The following ZDHHC8 variants were observed in gnomAD, a reference collection of about 807,000 sequenced individuals.
The protein encoded by ZDHHC8 is zDHHC palmitoyltransferase 8.
A neutral mutation model predicts 61.2 loss-of-function variants in ZDHHC8; 24 were observed. That is an observed-to-expected ratio of 0.39 (90% CI 0.28 to 0.55). The LOEUF (loss-of-function observed/expected upper bound fraction) is 0.55, where lower values mean the gene tolerates loss of function less well. Ranked by LOEUF, ZDHHC8 falls within the 20% of genes least tolerant of loss-of-function variation. The pLI, the probability that ZDHHC8 is intolerant of heterozygous loss-of-function variation, is 0.60. For synonymous variants in ZDHHC8, 523 were observed against 492.5 expected, an observed-to-expected ratio of 1.06 and a Z score of -0.82; for missense variants, 935 against 1,102.1, an observed-to-expected ratio of 0.85 and a Z score of 2.15.
At chr22:20,140,354 C>A in intron 5 of ZDHHC8, 137 bp downstream of exon 5, 1 of 945,236 alleles carries the variant, frequency 1.1e-6, no homozygotes, top group Non-Finnish European at 1.6e-6. Flanking sequence ...AACTCTGAGA[C>A]CCCCACGTGG....
Position 20,139,412 on chromosome 22 carries a change from T to G in ZDHHC8, c.227-66T>G, listed in dbSNP as rs2050447529. The G allele has an allele frequency of 1.9e-6, 3 of 1,604,672 alleles. No homozygotes were observed. In the Admixed American group the frequency reaches 5.0e-5, roughly 27 times the overall value. On this transcript the variant is annotated intron_variant, in intron 2 of 10. Transcript: ENST00000334554. ...GGGATTCCTGGTGGGTGGGCTGGAC[T>G]TGGGGGAGGGATTCACCTGCCAGGA...
intron 1 of ZDHHC8, among the ~76,000 whole-genome samples, chr22:20,137,788 T>C (rs111805579): frequency 1.3e-5 from 2 of 152,100 alleles, no homozygotes; most frequent in Admixed American, 6.5e-5. Flanking sequence ...AGGCACATGT[T>C]TGAGTGCTGC....
chr22:20,138,625 T>C (rs998765533), intron 1 of ZDHHC8, among the ~76,000 whole-genome samples: 1 of 152,144 alleles, frequency 6.6e-6, no homozygotes, highest in Non-Finnish European at 1.5e-5. Context: ...CCCTAAGTGT[T>C]CTACTTTGTC....
At chr22:20,144,974 GGGA>G (rs2050508126) in intron 10 of ZDHHC8, among the ~76,000 whole-genome samples, 1 of 152,126 alleles carries the variant, frequency 6.6e-6, no homozygotes. Flanking sequence ...CCAGGGACTC[GGGA>G]GGGTGGTGGC....
At chr22:20,135,821 G>A (rs2050414810) in intron 1 of ZDHHC8, among the ~76,000 whole-genome samples, 1 of 152,270 alleles carries the variant, frequency 6.6e-6, no homozygotes, top group Admixed American at 6.5e-5. Flanking sequence ...CCTGACAAGG[G>A]CGCAGCAGCT....
At chr22:20,136,311 C>T (rs2050419718) in intron 1 of ZDHHC8, among the ~76,000 whole-genome samples, 1 of 152,262 alleles carries the variant, frequency 6.6e-6, no homozygotes, top group Non-Finnish European at 1.5e-5. Context: ...CTACTGCCTG[C>T]TAGGCCCTGC....
At position 20,131,888 on chromosome 22, in the gene ZDHHC8, G is replaced by GCCCCC; in HGVS notation, c.-60_-59insCCCCC. ...CAGCCCGCCCGCCCGACCCCGGCCCGACCCCGGCCGGCCCTGCCCGCCCGG... is the reference window on the plus strand; with the variant it reads ...CAGCCCGCCCGCCCGACCCCGGCCCGCCCCCACCCCGGCCGGCCCTGCCCGCCCGG... On this transcript the variant is annotated 5_prime_UTR_variant, in exon 1 of 11. Coordinates refer to ENST00000334554, the MANE Select transcript of ZDHHC8 (RefSeq NM_013373.4). 1.2e-5 allele frequency: 3 copies of GCCCCC among 245,062 alleles called. No individual in the cohort carries two copies. The highest frequency in any genetic ancestry group is 1.9e-5 in the Non-Finnish European group (3 of 156,158). 15.2% of individuals were successfully genotyped at this position (245,062 alleles called of 1,614,324 possible). A position where few individuals can be genotyped will look rare whatever the true frequency, so the allele number is the denominator to read the frequency against.
At chr22:20,140,268 G>A (rs1568993152) in intron 5 of ZDHHC8, 51 bp downstream of exon 5, 1 of 1,558,732 alleles carries the variant, frequency 6.4e-7, no homozygotes, top group Admixed American at 1.8e-5. Flanking sequence ...GAGAGTTGGG[G>A]CTGCATGGGG....
chr22:20,145,493 C>T lies in ZDHHC8; in HGVS notation c.*93C>T, dbSNP rs116900900. On this transcript the variant is annotated 3_prime_UTR_variant, in exon 11 of 11. Transcript: ENST00000334554. ...CACCAACTTCTCTGCCCCAGGGACC[C>T]GAGGCCACCCCAGCCTGGTGTGGAC... is the stretch of plus-strand genomic sequence containing the variant. 5.6e-5 allele frequency: 75 copies of T among 1,344,058 alleles called. No individual in the cohort carries two copies. In the East Asian group the frequency reaches 1.1e-3, roughly 20 times the overall value. 83.3% of individuals were successfully genotyped at this position (1,344,058 alleles called of 1,614,324 possible). A position where few individuals can be genotyped will look rare whatever the true frequency, so the allele number is the denominator to read the frequency against.
At chr22:20,135,486 C>T (rs1461836362) in intron 1 of ZDHHC8, among the ~76,000 whole-genome samples, 1 of 152,246 alleles carries the variant, frequency 6.6e-6, no homozygotes, top group Non-Finnish European at 1.5e-5. Flanking sequence ...GCTGGCTTAT[C>T]TCTGTCTGGG....
rs534164585 is a variant in ZDHHC8 at position 20,145,695 on chromosome 22, C to T, written c.*295C>T. 4.8e-5 allele frequency: 50 copies of T among 1,051,546 alleles called. No homozygotes were observed. The East Asian group carries it at 3.6e-3, about 75-fold the overall frequency. 65.1% of individuals were successfully genotyped at this position (1,051,546 alleles called of 1,614,324 possible). On this transcript the variant is annotated 3_prime_UTR_variant, in exon 11 of 11. Transcript: ENST00000334554. ...GGGGGCCCAGTCAGCCTCTTTGGGG[C>T]ACCCTCTCTCAGCCAGGCTTGGCCC...
chr22:20,145,603 C>G lies in ZDHHC8; in HGVS notation c.*203C>G. On this transcript the variant is annotated 3_prime_UTR_variant, in exon 11 of 11. Coordinates refer to ENST00000334554, the MANE Select transcript of ZDHHC8 (RefSeq NM_013373.4). ...TCCACTCATCTGCCCATGGGGAAGT[C>G]GGCTCACTGGGACAAGGGCCACTGG... 8.1e-7 allele frequency: 1 copy of G among 1,232,758 alleles called. No individual in the cohort carries two copies. The highest frequency in any genetic ancestry group is 1.0e-6 in the Non-Finnish European group (1 of 984,682). The allele number at this position is 1,232,758 out of a possible 1,614,324, so 76.4% of individuals were successfully genotyped here. A position where few individuals can be genotyped will look rare whatever the true frequency, so the allele number is the denominator to read the frequency against.
At chr22:20,134,665 C>T (rs1050650675) in intron 1 of ZDHHC8, among the ~76,000 whole-genome samples, 2 of 152,250 alleles carry the variant, frequency 1.3e-5, no homozygotes, top group Admixed American at 6.5e-5. Context: ...GAGTTGCTGC[C>T]GGTGGGGTGG....
chr22:20,140,486 G>C, intron 5 of ZDHHC8, 131 bp from the exon 6 acceptor site: 1 of 1,020,852 alleles, frequency 9.8e-7, no homozygotes, highest in Non-Finnish European at 1.4e-6. Flanking sequence ...GGGCAGCCCT[G>C]GGCTGATCCC....
In ZDHHC8 at chr22:20,143,239, T is replaced by A. The variant is rs2050489542; in HGVS notation, c.1609T>A (p.Ser537Thr). The A allele has an allele frequency of 6.2e-7, 1 of 1,606,604 alleles. No homozygotes were observed. The highest frequency in any genetic ancestry group is 1.7e-5 in the Admixed American group (1 of 59,954). Residue 537 changes from serine (S) to threonine (T), a missense_variant, in exon 10 of 11, where the codon TCG (serine) becomes ACG (threonine). By Grantham distance (58) the Ser-to-Thr change is moderately conservative. Around this residue, in one of 3 missense-constraint regions of ZDHHC8, gnomAD observed 692 missense variants for 731.4 expected, o/e 0.95. Transcript: ENST00000334554. The part of the protein sequence containing the change: ...PVLGPRPREP[S>T]PVRYDNLSRT... ...GCTGGGCCCCCGCCCCCGGGAGCCC[T>A]CGCCTGTGCGCTACGACAACCTGTC...
rs1038191225 is a variant in ZDHHC8 at position 20,139,990 on chromosome 22, G to A, written c.557+98G>A. The A allele has an allele frequency of 2.5e-5, 40 of 1,590,156 alleles. No homozygotes were observed. The Middle Eastern group carries it at 5.0e-4, about 20-fold the overall frequency. On this transcript the variant is annotated intron_variant, in intron 4 of 10. Coordinates refer to ENST00000334554, the MANE Select transcript of ZDHHC8 (RefSeq NM_013373.4). ...CCTCAGAAGGCTTGGTTCCTGCCCA[G>A]GGATCCCCAGTGGGCAGGTGGCCGT...
At position 20,143,598 on chromosome 22, in the gene ZDHHC8, G is replaced by A. The variant is rs145100111; in HGVS notation, c.1968G>A (p.Pro656=). Residue 656 remains proline, a synonymous_variant, in exon 10 of 11, where the codon CCG becomes CCA. Transcript: ENST00000334554. ...LQADQASSNA[P]GPRPSSGSHR... is the part of the protein sequence containing the mutation. ...CTGATCAGGCCAGCAGCAACGCCCC[G>A]GGGCCCCGGCCCAGCAGTGGCTCAC... 1.2e-5 allele frequency: 19 copies of A among 1,600,898 alleles called. No individual in the cohort carries two copies. The highest frequency in any genetic ancestry group is 4.0e-5 in the African/African-American group (3 of 74,852).
Position 20,145,675 on chromosome 22 carries a change from C to T in ZDHHC8, c.*275C>T, listed in dbSNP as rs1193137429. On this transcript the variant is annotated 3_prime_UTR_variant, in exon 11 of 11. Coordinates refer to ENST00000334554, the MANE Select transcript of ZDHHC8 (RefSeq NM_013373.4). ...TCCCATGGCTGGGGCAGTGAGGGGG[C>T]CCAGTCAGCCTCTTTGGGGCACCCT... 4.6e-6 allele frequency: 5 copies of T among 1,089,772 alleles called. No individual in the cohort carries two copies. The highest frequency in any genetic ancestry group is 2.2e-6 in the Non-Finnish European group (2 of 896,986). The allele number at this position is 1,089,772 out of a possible 1,614,324, so 67.5% of individuals were successfully genotyped here.
intron 5 of ZDHHC8, 35 bp from the exon 6 acceptor site, chr22:20,140,582 G>A (rs1188316382): frequency 6.4e-7 from 1 of 1,559,286 alleles, no homozygotes; most frequent in African/African-American, 1.3e-5. Flanking sequence ...CTGGACCTTG[G>A]GAGGCCAGGC....
Sources: gnomAD v4.1 joint callset for allele counts (sites outside exome capture counted in the v4.1 genomes callset) on GRCh38, gnomAD v4.1.1 for gene constraint, gnomAD v4.1.1 regional missense constraint, MANE v1.5 for transcripts, NCBI Gene and HGNC (gene_info 2026-07-23, HGNC 2026-07-21) for gene names.